LRRC4C: variants seen among roughly 807,000 people sequenced by gnomAD.
The protein encoded by LRRC4C is leucine-rich repeat-containing protein 4C.
Under a neutral mutation model 33.6 loss-of-function variants are expected in LRRC4C, and 5 were observed. The ratio of observed to expected loss-of-function variants is 0.15; its 90% CI spans 0.08 to 0.31. LRRC4C has a LOEUF of 0.31. LRRC4C is among the 10% of genes least tolerant of loss of function. The pLI is 1.00. For synonymous variants in LRRC4C, 329 were observed against 302.0 expected (o/e 1.09, Z -0.93); for missense variants, 560 against 796.7 (o/e 0.70, Z 3.58).
intron 3 of LRRC4C, among the ~76,000 whole-genome samples, chr11:40,571,965 C>A (rs1957999807): frequency 2.0e-5 from 3 of 152,164 alleles, no homozygotes. Context: ...TTCCTCTTAA[C>A]CTCTACTATC....
chr11:40,159,213 T>C (rs1053301334), intron 5 of LRRC4C, among the ~76,000 whole-genome samples: 1 of 152,198 alleles, frequency 6.6e-6, no homozygotes, highest in African/African-American at 2.4e-5. Context: ...AAGTTTCAGA[T>C]GGCGAAGATA....
rs12418213 is a variant in LRRC4C, at chr11:40,890,739, C to T, written c.-407+42896G>A. 4.9e-3 allele frequency among the ~76,000 whole-genome samples: 751 copies of T among 151,992 alleles called. 25 individuals are homozygous for T. The highest frequency in any genetic ancestry group is 0.034 in the Admixed American group (513 of 15,276). On this transcript the variant is annotated intron_variant, in intron 2 of 6. Coordinates refer to ENST00000528697, the MANE Select transcript of LRRC4C (RefSeq NM_001258419.2). ...TAAGTAGCACAGATTGCATGCTATG[C>T]CCATAATGTATGTTATGACATTAAG...
intron 5 of LRRC4C, among the ~76,000 whole-genome samples, chr11:40,206,438 C>T (rs1863160807): frequency 6.6e-6 from 1 of 151,894 alleles, no homozygotes; most frequent in South Asian, 2.1e-4. Context: ...GACAGGGTTT[C>T]ACCGTGATGG....
chr11:41,193,050 T>C (rs1470310105), intron 1 of LRRC4C, among the ~76,000 whole-genome samples: 1 of 152,142 alleles, frequency 6.6e-6, no homozygotes, highest in Non-Finnish European at 1.5e-5. Context: ...TTTATGTGAA[T>C]GCAGTCAGGC....
intron 1 of LRRC4C, among the ~76,000 whole-genome samples, chr11:41,064,240 CTTT>C (rs1378999338): frequency 6.6e-6 from 1 of 152,168 alleles, no homozygotes; most frequent in African/African-American, 2.4e-5. Context: ...CAACACTAGT[CTTT>C]CCTATATGAG....
At chr11:41,239,199 G>A (rs1022873910) in intron 1 of LRRC4C, among the ~76,000 whole-genome samples, 8 of 149,108 alleles carry the variant, frequency 5.4e-5, no homozygotes, top group African/African-American at 2.0e-4. Flanking sequence ...GTGGACGCCT[G>A]TAGTCCCAGC....
intron 1 of LRRC4C, among the ~76,000 whole-genome samples, chr11:40,946,639 T>A (rs1958415649): frequency 6.6e-6 from 1 of 152,190 alleles, no homozygotes; most frequent in Non-Finnish European, 1.5e-5. Context: ...TAATAGCCAT[T>A]CTGACTGCTG....
chr11:41,105,547 A>G (rs571121888), intron 1 of LRRC4C, among the ~76,000 whole-genome samples: 2 of 152,200 alleles, frequency 1.3e-5, no homozygotes, highest in African/African-American at 4.8e-5. Context: ...TTATTGAATT[A>G]AAATCTATAC....
intron 1 of LRRC4C, among the ~76,000 whole-genome samples, chr11:41,085,125 A>G (rs1344862553): frequency 6.6e-6 from 1 of 152,220 alleles, no homozygotes; most frequent in Non-Finnish European, 1.5e-5. Flanking sequence ...TCCTTAAGCT[A>G]GTGAAGTTTA....
chr11:40,349,643 C>T (rs1365376999), intron 3 of LRRC4C, among the ~76,000 whole-genome samples: 1 of 152,126 alleles, frequency 6.6e-6, no homozygotes, highest in African/African-American at 2.4e-5. Flanking sequence ...ATTGAGAAAC[C>T]TCCATACTGT....
chr11:41,214,828 A>G (rs1469561746), intron 1 of LRRC4C, among the ~76,000 whole-genome samples: 1 of 146,672 alleles, frequency 6.8e-6, no homozygotes, highest in African/African-American at 2.5e-5. Flanking sequence ...TATATATTAT[A>G]TATATGTATA....
Position 41,226,760 on chromosome 11 carries a change from AC to A in LRRC4C, c.-496+232670del, listed in dbSNP as rs1445938252. Among the ~76,000 whole-genome samples the A allele has an allele frequency of 3.6e-3, 549 of 151,700 alleles. 8 individuals carry two copies. Among genetic ancestry groups the A allele is most frequent in the African/African-American group, 0.013 (532 of 41,360 alleles). ...TACCATTACACACACACACACACAC[AC>A]ACACACACACACACACCCTTCTCTC... On this transcript the variant is annotated intron_variant, in intron 1 of 6. Coordinates refer to ENST00000528697, the MANE Select transcript of LRRC4C (RefSeq NM_001258419.2).
chr11:41,030,743 A>G (rs1856676516), intron 1 of LRRC4C, among the ~76,000 whole-genome samples: 1 of 151,766 alleles, frequency 6.6e-6, no homozygotes. Context: ...CAAAACCAAA[A>G]TCAGAATATG....
chr11:41,048,336 C>A (rs947598267), intron 1 of LRRC4C, among the ~76,000 whole-genome samples: 1 of 144,292 alleles, frequency 6.9e-6, no homozygotes, highest in Non-Finnish European at 1.5e-5. Context: ...ACAATCTCAG[C>A]TCACTGCAAC....
intron 3 of LRRC4C, among the ~76,000 whole-genome samples, chr11:40,366,468 C>G (rs1378466921): frequency 6.6e-6 from 1 of 151,812 alleles, no homozygotes; most frequent in East Asian, 1.9e-4. Context: ...TACTGTGAGG[C>G]TGTGTATCAG....
intron 1 of LRRC4C, among the ~76,000 whole-genome samples, chr11:41,388,278 A>G (rs1953441068): frequency 6.6e-6 from 1 of 151,822 alleles, no homozygotes; most frequent in Admixed American, 6.6e-5. Flanking sequence ...GCTAGGGTAA[A>G]GATAATGGGT....
chr11:40,409,299 A>C (rs112722799), intron 3 of LRRC4C, among the ~76,000 whole-genome samples: 1,724 of 152,144 alleles, frequency 0.011, 34 homozygotes, highest in African/African-American at 0.04. Flanking sequence ...AACTATCAGA[A>C]GAAAACATAG....
At chr11:41,176,646 G>T (rs1459328337) in intron 1 of LRRC4C, among the ~76,000 whole-genome samples, 1 of 152,082 alleles carries the variant, frequency 6.6e-6, no homozygotes, top group African/African-American at 2.4e-5. Flanking sequence ...ATACTGTAAA[G>T]ATAAAATAAA....
chr11:40,155,108 G>A (rs1858574036), intron 5 of LRRC4C, among the ~76,000 whole-genome samples: 1 of 152,076 alleles, frequency 6.6e-6, no homozygotes, highest in Non-Finnish European at 1.5e-5. Flanking sequence ...TCCTGAATGG[G>A]CACTGTGTCA....
Sources: gnomAD v4.1 joint callset for allele counts (sites outside exome capture counted in the v4.1 genomes callset) on GRCh38, gnomAD v4.1.1 for gene constraint, MANE v1.5 for transcripts, NCBI Gene and HGNC (gene_info 2026-07-23, HGNC 2026-07-21) for gene names.